The following KCNQ5 variants were observed in gnomAD, a reference collection of about 807,000 sequenced individuals.
The protein encoded by KCNQ5 is potassium voltage-gated channel subfamily Q member 5.
Under a neutral mutation model 98.2 loss-of-function variants are expected in KCNQ5, and 30 were observed. The observed-to-expected ratio is 0.31, with a 90% CI of 0.23 to 0.41. The LOEUF (loss-of-function observed/expected upper bound fraction) is 0.41. Ranked by LOEUF, KCNQ5 falls within the 10% of genes least tolerant of loss-of-function variation. The probability of loss-of-function intolerance (pLI) is 1.00; values close to 1 mark genes in which losing one functional copy is unlikely to be tolerated. For missense variants in KCNQ5, 835 were observed against 1,182.5 expected (o/e 0.71, Z 4.31); for synonymous variants, 458 against 449.4 (o/e 1.02, Z -0.24).
chr6:72,658,858 G>C (rs1001700712), intron 1 of KCNQ5, among the ~76,000 whole-genome samples: 2 of 152,046 alleles, frequency 1.3e-5, no homozygotes, highest in African/African-American at 2.4e-5. Flanking sequence ...GGGATTACAG[G>C]CATGAGCCAC....
intron 1 of KCNQ5, among the ~76,000 whole-genome samples, chr6:72,655,088 C>CT (rs1186453066): frequency 1.4e-4 from 19 of 135,136 alleles, no homozygotes; most frequent in African/African-American, 4.8e-4. Flanking sequence ...TTCTTTCTTT[C>CT]TTTCTTTCTG....
chr6:72,718,244 T>C (rs560387603), intron 1 of KCNQ5, among the ~76,000 whole-genome samples: 1 of 152,272 alleles, frequency 6.6e-6, no homozygotes, highest in South Asian at 2.1e-4. Flanking sequence ...TCTAAGAAAG[T>C]TCCTCTAAGT....
chr6:72,794,768 C>A (rs868117150), intron 1 of KCNQ5, among the ~76,000 whole-genome samples: 3 of 152,062 alleles, frequency 2.0e-5, no homozygotes, highest in African/African-American at 7.2e-5. Context: ...AGCAAGAGAC[C>A]AAGTTCAGAG....
In KCNQ5 at chr6:72,941,666, CTCTTTCTTTCTTTCTTTCTTTCTT is replaced by C. The variant is rs11266961; in HGVS notation, c.399-62180_399-62157del. Among the ~76,000 whole-genome samples, 101 of 83,150 alleles carry C rather than the reference CTCTTTCTTTCTTTCTTTCTTTCTT, an allele frequency of 1.2e-3. 3 individuals are homozygous for C. Among genetic ancestry groups the C allele is most frequent in the African/African-American group, 2.3e-3 (46 of 20,440 alleles). The allele number at this position is 83,150 out of a possible 152,430, so 54.5% of individuals were successfully genotyped here. Reference sequence around the variant, plus strand: ...TCCCCACCCGCACCTCCCTCCCCATCTCTTTCTTTCTTTCTTTCTTTCTTTCTTTCTTTCTTTCTTTCTTTCTTT... The same window carrying C: ...TCCCCACCCGCACCTCCCTCCCCATCTCTTTCTTTCTTTCTTTCTTTCTTT... On this transcript the variant is annotated intron_variant, in intron 1 of 13. Transcript: ENST00000370398.
chr6:72,949,940 C>A (rs538688571), intron 1 of KCNQ5, among the ~76,000 whole-genome samples: 1 of 152,040 alleles, frequency 6.6e-6, no homozygotes, highest in East Asian at 1.9e-4. Flanking sequence ...AAATGCTATA[C>A]CCTCTCAAAT....
At chr6:72,974,385 CAA>C (rs201503571) in intron 1 of KCNQ5, among the ~76,000 whole-genome samples, 42 of 120,310 alleles carry the variant, frequency 3.5e-4, no homozygotes, top group Admixed American at 4.3e-4. Flanking sequence ...TAACTAGTGG[CAA>C]AAAAAAAAAA....
At chr6:73,109,958 CAAGAT>C (rs1232159636) in intron 6 of KCNQ5, among the ~76,000 whole-genome samples, 1 of 152,212 alleles carries the variant, frequency 6.6e-6, no homozygotes, top group African/African-American at 2.4e-5. Flanking sequence ...TGTGGAATCT[CAAGAT>C]AAGAAGGAAG....
At chr6:72,773,278 A>G (rs1438331511) in intron 1 of KCNQ5, among the ~76,000 whole-genome samples, 1 of 152,300 alleles carries the variant, frequency 6.6e-6, no homozygotes, top group African/African-American at 2.4e-5. Flanking sequence ...TGGCACATAT[A>G]CACCATGGAA....
intron 5 of KCNQ5, among the ~76,000 whole-genome samples, chr6:73,099,757 G>T (rs969040149): frequency 5.3e-5 from 8 of 152,168 alleles, no homozygotes; most frequent in African/African-American, 1.9e-4. Flanking sequence ...CCAACTTTCA[G>T]CATTGGACAG....
At chr6:73,001,260 C>G (rs1318620597) in intron 1 of KCNQ5, among the ~76,000 whole-genome samples, 3 of 152,130 alleles carry the variant, frequency 2.0e-5, no homozygotes, top group African/African-American at 7.2e-5. Flanking sequence ...CATTCTGATC[C>G]AATGTGTTCA....
Position 72,622,107 on chromosome 6 carries a change from T to C in KCNQ5, c.-83T>C. 1 of 1,163,390 alleles carries C rather than the reference T, an allele frequency of 8.6e-7. No homozygotes were observed. The highest frequency in any genetic ancestry group is 1.1e-6 in the Non-Finnish European group (1 of 933,314). The allele number at this position is 1,163,390 out of a possible 1,614,324, so 72.1% of individuals were successfully genotyped here. On this transcript the variant is annotated 5_prime_UTR_variant, in exon 1 of 14. Transcript: ENST00000370398. The surrounding 1 kb of genome is among the most constrained non-coding windows in gnomAD (Gnocchi z 6.0). ...GGCGCCCCGTCGGCCGCCGGCTTCCTCCTTGAAACCCGCCGGCGCACATGA... is the reference window on the plus strand; with the variant it reads ...GGCGCCCCGTCGGCCGCCGGCTTCCCCCTTGAAACCCGCCGGCGCACATGA...
chr6:72,900,457 G>T (rs1779446115), intron 1 of KCNQ5, among the ~76,000 whole-genome samples: 1 of 137,694 alleles, frequency 7.3e-6, no homozygotes, highest in South Asian at 2.2e-4. Context: ...TCATATATAT[G>T]ATTTATTTTA....
chr6:73,002,175 C>T (rs1769609188), intron 1 of KCNQ5, among the ~76,000 whole-genome samples: 1 of 152,128 alleles, frequency 6.6e-6, no homozygotes, highest in Non-Finnish European at 1.5e-5. Flanking sequence ...GAATCATTAA[C>T]ATCGTGTACT....
At chr6:72,935,336 G>T (rs1444188647) in intron 1 of KCNQ5, among the ~76,000 whole-genome samples, 5 of 152,096 alleles carry the variant, frequency 3.3e-5, no homozygotes, top group African/African-American at 1.2e-4. Flanking sequence ...CTCCCAAAGT[G>T]CTGGGATTAC....
At chr6:72,774,244 A>G (rs924768096) in intron 1 of KCNQ5, among the ~76,000 whole-genome samples, 2 of 152,284 alleles carry the variant, frequency 1.3e-5, no homozygotes, top group Middle Eastern at 3.4e-3. Context: ...CTCTGTTGCA[A>G]TTATTCAACT....
At chr6:72,928,246 CT>C (rs1253612152) in intron 1 of KCNQ5, among the ~76,000 whole-genome samples, 1 of 151,936 alleles carries the variant, frequency 6.6e-6, no homozygotes, top group Non-Finnish European at 1.5e-5. Flanking sequence ...TATGACTTTG[CT>C]TTTAGACAGT....
chr6:72,913,364 G>C (rs1780017300), intron 1 of KCNQ5, among the ~76,000 whole-genome samples: 1 of 152,014 alleles, frequency 6.6e-6, no homozygotes, highest in South Asian at 2.1e-4. Flanking sequence ...ACGGTAGTAA[G>C]TGGCACCATG....
At chr6:72,994,003 G>T (rs1481125570) in intron 1 of KCNQ5, among the ~76,000 whole-genome samples, 80 of 71,610 alleles carry the variant, frequency 1.1e-3, no homozygotes, top group Admixed American at 1.5e-3. Context: ...CACTTGAGGA[G>T]GCAGTCTGCC....
intron 12 of KCNQ5, among the ~76,000 whole-genome samples, chr6:73,192,163 T>C (rs1457926996): frequency 6.6e-6 from 1 of 152,262 alleles, no homozygotes. Flanking sequence ...ATGGCTTTCT[T>C]ATCTGCTTAT....
Sources: allele counts gnomAD v4.1 joint callset (sites outside exome capture counted in the v4.1 genomes callset), GRCh38; gene constraint gnomAD v4.1.1; non-coding constraint Gnocchi (gnomAD v3.1); transcripts MANE v1.5; gene names NCBI Gene and HGNC (gene_info 2026-07-23, HGNC 2026-07-21).